CBFA2T3: variants seen among roughly 807,000 people sequenced by gnomAD.
CBFA2T3 encodes the protein CBFA2/RUNX1 partner transcriptional co-repressor 3.
In CBFA2T3, 31 loss-of-function variants were observed where a neutral mutation model predicts 58.6. The ratio of observed to expected loss-of-function variants is 0.53; its 90% CI spans 0.40 to 0.71. The LOEUF (loss-of-function observed/expected upper bound fraction) is 0.71, where lower values mean the gene tolerates loss of function less well. Ranked by LOEUF, CBFA2T3 falls within the 30% of genes least tolerant of loss-of-function variation. The probability of loss-of-function intolerance (pLI) is 0.00; values close to 1 mark genes in which losing one functional copy is unlikely to be tolerated. For synonymous variants in CBFA2T3, 531 were observed against 421.9 expected, an observed-to-expected ratio of 1.26 and a Z score of -3.17; for missense variants, 1,076 against 963.1, an observed-to-expected ratio of 1.12 and a Z score of -1.55.
intron 10 of CBFA2T3, chr16:88,879,743 G>A: frequency 2.4e-6 from 1 of 420,956 alleles, no homozygotes. Context: ...TGGGTCACGT[G>A]GTGTCACAAG....
intron 2 of CBFA2T3, among the ~76,000 whole-genome samples, chr16:88,898,872 G>C (rs1969993218): frequency 6.6e-6 from 1 of 152,230 alleles, no homozygotes; most frequent in Non-Finnish European, 1.5e-5. Context: ...TATAAAAAAA[G>C]AAAGAAAGAT....
In CBFA2T3 at chr16:88,897,061, G is replaced by A. The variant is rs559006162; in HGVS notation, c.379+1017C>T. On this transcript the variant is annotated intron_variant, in intron 3 of 11. Transcript: ENST00000268679. ...CCCCCGCGGCTCCCCCAGCCTCAGA[G>A]CCTTGGTGGGGGGGTCAGATGCGAC... is the stretch of plus-strand genomic sequence containing the variant. 1.9e-3 allele frequency among the ~76,000 whole-genome samples: 293 copies of A among 152,374 alleles called. 1 individual carries two copies. Among genetic ancestry groups the A allele is most frequent in the African/African-American group, 6.3e-3 (263 of 41,600 alleles).
intron 5 of CBFA2T3, among the ~76,000 whole-genome samples, chr16:88,889,837 G>A (rs186213855): frequency 9.2e-4 from 127 of 137,694 alleles, no homozygotes; most frequent in East Asian, 4.9e-3. Context: ...ACGATGCCCC[G>A]CGATTCCTCC....
chr16:88,901,357 G>A (rs574557205), intron 2 of CBFA2T3, 147 bp downstream of exon 2: 102 of 509,534 alleles, frequency 2.0e-4, no homozygotes, highest in African/African-American at 1.8e-3. Flanking sequence ...AACCGGCCAA[G>A]CCTGGGCTCT....
intron 1 of CBFA2T3, among the ~76,000 whole-genome samples, chr16:88,918,115 G>A (rs990625138): frequency 3.9e-5 from 6 of 152,178 alleles, no homozygotes; most frequent in African/African-American, 1.4e-4. Context: ...GAGAGACAGC[G>A]TGGCCTCCCT....
At chr16:88,930,453 G>A (rs1400855459) in intron 1 of CBFA2T3, among the ~76,000 whole-genome samples, 9 of 152,164 alleles carry the variant, frequency 5.9e-5, no homozygotes, top group East Asian at 5.8e-4. Context: ...CAACCCACGC[G>A]TCCATCAACG....
intron 1 of CBFA2T3, 108 bp from the exon 2 acceptor site, chr16:88,901,764 G>T (rs545429052): frequency 9.9e-7 from 1 of 1,009,490 alleles, no homozygotes; most frequent in Admixed American, 3.9e-5. Flanking sequence ...TCCGCCCAGC[G>T]CTGGGGCAGT....
At chr16:88,908,685 C>T (rs944481412) in intron 1 of CBFA2T3, among the ~76,000 whole-genome samples, 8 of 152,206 alleles carry the variant, frequency 5.3e-5, no homozygotes, top group African/African-American at 9.6e-5. Flanking sequence ...CTCATCTTTC[C>T]GGCCTTCCCC....
rs146727546 is a variant in CBFA2T3, at chr16:88,894,131, AC to A, written c.380-1647del. On this transcript the variant is annotated intron_variant, in intron 3 of 11. Coordinates refer to ENST00000268679, the MANE Select transcript of CBFA2T3 (RefSeq NM_005187.6). Reference sequence around the variant, plus strand: ...GCCCTCCATTTCCCTGCCTCCACTCACCCCCCACCACCCTTACACACATGCA... The same window carrying A: ...GCCCTCCATTTCCCTGCCTCCACTCACCCCCACCACCCTTACACACATGCA... Among the ~76,000 whole-genome samples, 134 of 148,744 alleles carry A rather than the reference AC, an allele frequency of 9.0e-4. 1 individual carries two copies. The highest frequency in any genetic ancestry group is 3.0e-3 in the African/African-American group (116 of 38,482).
intron 1 of CBFA2T3, among the ~76,000 whole-genome samples, chr16:88,907,111 G>A (rs550324825): frequency 7.2e-5 from 11 of 152,312 alleles, no homozygotes; most frequent in Non-Finnish European, 1.5e-4. Context: ...GAGGCCTCCA[G>A]CATCCCTGAA....
chr16:88,972,767 C>T (rs564856464), intron 1 of CBFA2T3, among the ~76,000 whole-genome samples: 2 of 152,336 alleles, frequency 1.3e-5, no homozygotes, highest in Non-Finnish European at 2.9e-5. Context: ...GCTGGCTCCC[C>T]GACATGGAGC....
At chr16:88,897,831 G>A (rs928140548) in intron 3 of CBFA2T3, among the ~76,000 whole-genome samples, 7 of 152,248 alleles carry the variant, frequency 4.6e-5, no homozygotes, top group African/African-American at 4.8e-5. Context: ...AGCTCAGAGA[G>A]GCTCTGCTCC....
intron 1 of CBFA2T3, 52 bp downstream of exon 1, chr16:88,976,605 C>A: frequency 7.2e-7 from 1 of 1,398,274 alleles, no homozygotes; most frequent in Non-Finnish European, 9.8e-7. Context: ...AGCCCCGGCA[C>A]CGGCTGCCGC....
chr16:88,882,846 G>T (rs1438527200), intron 7 of CBFA2T3, 85 bp from the exon 8 acceptor site: 2 of 943,498 alleles, frequency 2.1e-6, no homozygotes, highest in East Asian at 5.2e-5. Context: ...CTGCTCCCAG[G>T]CCCCACCCGT....
At chr16:88,909,377 C>T (rs1426070194) in intron 1 of CBFA2T3, among the ~76,000 whole-genome samples, 2 of 152,242 alleles carry the variant, frequency 1.3e-5, no homozygotes, top group Admixed American at 1.3e-4. Context: ...CACATCTGTG[C>T]AATGGGGGTG....
At chr16:88,929,653 GCTGCGTGGTCCACGCAAAAACTACCAATA>G (rs1971211836) in intron 1 of CBFA2T3, among the ~76,000 whole-genome samples, 1 of 119,784 alleles carries the variant, frequency 8.3e-6, no homozygotes, top group Non-Finnish European at 2.0e-5. Context: ...AATACCCACA[GCTGCGTGGTCCACGCAAAAACTACCAATA>G]CCCACAGCTG....
intron 1 of CBFA2T3, among the ~76,000 whole-genome samples, chr16:88,965,317 TG>T (rs1278104165): frequency 2.0e-5 from 3 of 152,248 alleles, no homozygotes; most frequent in African/African-American, 7.2e-5. Flanking sequence ...GAGCTAAATG[TG>T]CAGATTTTCA....
chr16:88,880,743 G>A lies in CBFA2T3; in HGVS notation c.1448C>T (p.Pro483Leu). 1 of 1,575,924 alleles carries A rather than the reference G, an allele frequency of 6.3e-7. No individual in the cohort carries two copies. The change falls in exon 10 of 12, where the codon CCT (proline) becomes CTT (leucine). Residue 483 changes from proline (P) to leucine (L), a missense_variant. Physicochemically the swap from Pro to Leu is moderately conservative, Grantham distance 98. Coordinates refer to ENST00000268679, the MANE Select transcript of CBFA2T3 (RefSeq NM_005187.6). ...ACCAGCCTTCCTCCAGATGTCCTCA[G>A]GCACGTAGCCGGTGAGGGTCCTCGG... ...FLPRTLTGYV[P>L]EDIWRKAEEA... is the part of the protein sequence containing the mutation.
intron 1 of CBFA2T3, chr16:88,939,848 G>A (rs1206642282): frequency 6.6e-6 from 1 of 152,244 alleles, no homozygotes; most frequent in African/African-American, 2.4e-5. Context: ...CGCCCCTTCA[G>A]GTCTGGGGGA....
Sources: gnomAD v4.1 joint callset for allele counts (sites outside exome capture counted in the v4.1 genomes callset) on GRCh38, gnomAD v4.1.1 for gene constraint, MANE v1.5 for transcripts, NCBI Gene and HGNC (gene_info 2026-07-23, HGNC 2026-07-21) for gene names.